PDE1C: variants seen among roughly 807,000 people sequenced by gnomAD.
The protein encoded by PDE1C is dual specificity calcium/calmodulin-dependent 3',5'-cyclic nucleotide phosphodiesterase 1C.
PDE1C carries 62 observed loss-of-function variants against 93.1 expected under a neutral mutation model. The ratio of observed to expected loss-of-function variants is 0.67; its 90% CI spans 0.54 to 0.82. PDE1C has a LOEUF of 0.82. Among genes scored for constraint, PDE1C ranks in the 40% least tolerant of loss-of-function variants. PDE1C has a pLI of 0.00. For missense variants in PDE1C, 742 were observed against 884.6 expected, an observed-to-expected ratio of 0.84 and a Z score of 2.04; for synonymous variants, 325 against 310.1, an observed-to-expected ratio of 1.05 and a Z score of -0.50.
chr7:32,418,425 G>C (rs1019427795), intron 1 of PDE1C, among the ~76,000 whole-genome samples: 1 of 152,160 alleles, frequency 6.6e-6, no homozygotes, highest in African/African-American at 2.4e-5. Flanking sequence ...GGTGCATGAA[G>C]TATGCCTGGC....
the PDE1C span, among the ~76,000 whole-genome samples, chr7:31,617,521 T>C: frequency 6.6e-6 from 1 of 152,130 alleles, no homozygotes; most frequent in Non-Finnish European, 1.5e-5. Context: ...AACAACTTCA[T>C]TGTGAGTGGA....
At chr7:32,349,650 A>T (rs868355006) in intron 1 of PDE1C, among the ~76,000 whole-genome samples, 50 of 151,900 alleles carry the variant, frequency 3.3e-4, no homozygotes, top group African/African-American at 1.2e-3. Context: ...TTTTTTGAGA[A>T]GGAGTCTCAC....
chr7:31,997,142 T>C (rs58862104), intron 2 of PDE1C, among the ~76,000 whole-genome samples: 6,004 of 152,298 alleles, frequency 0.039, 420 homozygotes, highest in African/African-American at 0.14. Flanking sequence ...AGCAAGTTAG[T>C]ACAGAAGTTT....
At chr7:32,267,278 C>A (rs1463673826) in intron 1 of PDE1C, among the ~76,000 whole-genome samples, 1 of 152,152 alleles carries the variant, frequency 6.6e-6, no homozygotes. Flanking sequence ...AGAGGAAGCA[C>A]GTCTAAGGGA....
chr7:32,225,636 G>C (rs1056893695), intron 1 of PDE1C, among the ~76,000 whole-genome samples: 1 of 152,130 alleles, frequency 6.6e-6, no homozygotes, highest in Non-Finnish European at 1.5e-5. Flanking sequence ...TGTCCAAGGG[G>C]AACTACATTC....
At chr7:32,116,400 A>G (rs1798986424) in intron 3 of PDE1C, among the ~76,000 whole-genome samples, 1 of 152,132 alleles carries the variant, frequency 6.6e-6, no homozygotes, top group Non-Finnish European at 1.5e-5. Flanking sequence ...TCGGGGGAAT[A>G]GGAGAAGAGT....
At chr7:32,214,280 C>T (rs1411805298) in intron 1 of PDE1C, among the ~76,000 whole-genome samples, 1 of 152,026 alleles carries the variant, frequency 6.6e-6, no homozygotes, top group African/African-American at 2.4e-5. Context: ...TCACAGAATT[C>T]AAGGCACCTG....
At chr7:31,742,070 A>T in the PDE1C span, among the ~76,000 whole-genome samples, 1 of 152,244 alleles carries the variant, frequency 6.6e-6, no homozygotes, top group Non-Finnish European at 1.5e-5. Context: ...GACCAATATT[A>T]TTGAACAAAG....
At chr7:31,684,339 T>C in the PDE1C span, among the ~76,000 whole-genome samples, 8 of 152,226 alleles carry the variant, frequency 5.3e-5, no homozygotes, top group Non-Finnish European at 7.3e-5. Flanking sequence ...GGCTGGAATA[T>C]GCTTAACACA....
chr7:32,129,338 C>T (rs1450294688), intron 3 of PDE1C, among the ~76,000 whole-genome samples: 5 of 123,418 alleles, frequency 4.1e-5, no homozygotes, highest in Admixed American at 3.8e-4. Flanking sequence ...AAAACATACA[C>T]AAATAGTAAA....
intron 1 of PDE1C, among the ~76,000 whole-genome samples, chr7:32,410,665 A>T (rs1196212561): frequency 6.7e-6 from 1 of 149,406 alleles, no homozygotes; most frequent in Admixed American, 6.6e-5. Context: ...AGGCACTGGT[A>T]GGAGATCAGA....
the PDE1C span, among the ~76,000 whole-genome samples, chr7:31,694,387 A>AACACAC: frequency 7.7e-3 from 1,092 of 141,670 alleles, 12 homozygotes; most frequent in African/African-American, 0.027. Flanking sequence ...CTCTCTCTCA[A>AACACAC]ACACACACAC....
At chr7:32,338,792 AG>A (rs1783680808) in intron 1 of PDE1C, among the ~76,000 whole-genome samples, 1 of 152,136 alleles carries the variant, frequency 6.6e-6, no homozygotes. Context: ...TCACGAGGTC[AG>A]GAGATCGAGA....
intron 14 of PDE1C, among the ~76,000 whole-genome samples, chr7:31,819,704 C>T (rs749326173): frequency 5.2e-4 from 79 of 152,144 alleles, no homozygotes; most frequent in African/African-American, 1.2e-3. Flanking sequence ...AATGCATGTC[C>T]GTACAGTTTT....
At position 32,283,508 on chromosome 7, in the gene PDE1C, G is replaced by A. The variant is rs556253105; in HGVS notation, c.85+15143C>T. 9.9e-5 allele frequency among the ~76,000 whole-genome samples: 15 copies of A among 152,278 alleles called. No individual in the cohort carries two copies. In the South Asian group the frequency reaches 1.2e-3, roughly 13 times the overall value. On this transcript the variant is annotated intron_variant, in intron 1 of 18. Transcript: ENST00000396193. ...AATAATTGTTAAAATAGTAACAATGGTAGTAATAGCATGCTGAAATTAAGC... is the reference window on the plus strand; with the variant it reads ...AATAATTGTTAAAATAGTAACAATGATAGTAATAGCATGCTGAAATTAAGC...
At chr7:31,965,975 G>T (rs1188092443) in intron 2 of PDE1C, among the ~76,000 whole-genome samples, 1 of 152,122 alleles carries the variant, frequency 6.6e-6, no homozygotes, top group South Asian at 2.1e-4. Flanking sequence ...ACATGGAAAG[G>T]AACGACCAGT....
intron 6 of PDE1C, among the ~76,000 whole-genome samples, chr7:31,872,966 G>C (rs866392252): frequency 6.6e-6 from 1 of 152,166 alleles, no homozygotes; most frequent in South Asian, 2.1e-4. Context: ...TGGTCAATAG[G>C]ACACAAAGTC....
the PDE1C span, among the ~76,000 whole-genome samples, chr7:31,700,977 A>G: frequency 6.6e-6 from 1 of 152,230 alleles, no homozygotes; most frequent in African/African-American, 2.4e-5. Flanking sequence ...TGATGGAGGC[A>G]CACAAGGAGA....
chr7:32,388,097 G>A (rs1009511135), intron 1 of PDE1C, among the ~76,000 whole-genome samples: 2 of 152,090 alleles, frequency 1.3e-5, no homozygotes, highest in Admixed American at 6.5e-5. Context: ...AAATCACACC[G>A]ATGTAATAGC....
Sources: gnomAD v4.1 joint callset for allele counts (sites outside exome capture counted in the v4.1 genomes callset) on GRCh38, gnomAD v4.1.1 for gene constraint, MANE v1.5 for transcripts, NCBI Gene and HGNC (gene_info 2026-07-23, HGNC 2026-07-21) for gene names.